POC1B: variants seen among roughly 807,000 people sequenced by gnomAD.
POC1B encodes the protein POC1 centriolar protein B, also known as POC1 centriolar protein homolog B.
A neutral mutation model predicts 60.6 loss-of-function variants in POC1B; 44 were observed. The ratio of observed to expected loss-of-function variants is 0.73; its 90% CI spans 0.57 to 0.93. POC1B has a LOEUF of 0.93. Ranked by LOEUF, POC1B falls within the 40% of genes least tolerant of loss-of-function variation. POC1B has a pLI of 0.00. For missense variants in POC1B, 555 were observed against 572.3 expected (o/e 0.97, Z 0.31); for synonymous variants, 180 against 198.9 (o/e 0.90, Z 0.80).
chr12:89,432,159 G>A (rs745503378), intron 10 of POC1B, among the ~76,000 whole-genome samples: 2 of 151,880 alleles, frequency 1.3e-5, no homozygotes, highest in Non-Finnish European at 2.9e-5. Context: ...CGAGGTGGGC[G>A]GATTGCCTGA....
rs1880459231 is a variant in POC1B at position 89,419,873 on chromosome 12, C to T, written c.*1280G>A. 6.6e-6 allele frequency: 1 copy of T among 152,228 alleles called. No homozygotes were observed. Among genetic ancestry groups the T allele is most frequent in the Middle Eastern group, 3.4e-3 (1 of 294 alleles). 9.4% of individuals were successfully genotyped at this position (152,228 alleles called of 1,614,324 possible). A position where few individuals can be genotyped will look rare whatever the true frequency, so the allele number is the denominator to read the frequency against. On this transcript the variant is annotated 3_prime_UTR_variant, in exon 12 of 12. Coordinates refer to ENST00000313546, the MANE Select transcript of POC1B (RefSeq NM_172240.3). ...TCTTGAAAATGTCCAGAAGCTCACA[C>T]TTAGTATGATATTAAAAGGCACTTA...
intron 4 of POC1B, among the ~76,000 whole-genome samples, chr12:89,484,973 T>C (rs970216508): frequency 6.6e-6 from 1 of 152,218 alleles, no homozygotes; most frequent in African/African-American, 2.4e-5. Flanking sequence ...GTCCCAGGGC[T>C]CACTGAAAAG....
intron 2 of POC1B, among the ~76,000 whole-genome samples, chr12:89,518,007 G>T (rs937353019): frequency 2.0e-5 from 3 of 152,070 alleles, no homozygotes; most frequent in Admixed American, 1.3e-4. Flanking sequence ...AGCCCAGCCT[G>T]GAAGATTGAT....
chr12:89,469,632 C>T (rs1415394244), intron 7 of POC1B, among the ~76,000 whole-genome samples: 1 of 152,030 alleles, frequency 6.6e-6, no homozygotes, highest in Non-Finnish European at 1.5e-5. Context: ...TCTCCTAAAC[C>T]CACCAACAAA....
At chr12:89,425,903 A>C (rs1382152501) in intron 10 of POC1B, 1 of 152,816 alleles carries the variant, frequency 6.5e-6, no homozygotes, top group Non-Finnish European at 1.5e-5. Context: ...CTACGTATAC[A>C]TCCAGGAGAA....
At chr12:89,453,465 G>A (rs1039693723) in intron 10 of POC1B, among the ~76,000 whole-genome samples, 7 of 152,056 alleles carry the variant, frequency 4.6e-5, no homozygotes, top group Admixed American at 2.6e-4. Flanking sequence ...GAAACATACC[G>A]CAGAGCCACT....
chr12:89,415,656 AT>A (rs1036846521), downstream of POC1B, among the ~76,000 whole-genome samples: 23 of 151,672 alleles, frequency 1.5e-4, no homozygotes, highest in Non-Finnish European at 2.6e-4. Flanking sequence ...AAAAAAAAAA[AT>A]AATAAAGAAA....
At chr12:89,467,743 A>G (rs2120834366) in intron 7 of POC1B, 58 bp from the exon 8 acceptor site, 1 of 1,333,670 alleles carries the variant, frequency 7.5e-7, no homozygotes, top group South Asian at 1.2e-5. Context: ...CTCATGGCCA[A>G]GAAGACTATG....
intron 10 of POC1B, among the ~76,000 whole-genome samples, chr12:89,440,757 T>C (rs1259542357): frequency 6.6e-6 from 1 of 152,174 alleles, no homozygotes; most frequent in Admixed American, 6.5e-5. Context: ...ACTGGGTTCA[T>C]TTCACTGGGG....
At chr12:89,483,127 G>A in intron 4 of POC1B, among the ~76,000 whole-genome samples, 1 of 152,060 alleles carries the variant, frequency 6.6e-6, no homozygotes, top group Middle Eastern at 3.2e-3. Context: ...TGTTGGTCAG[G>A]CTGGTCTCAG....
At chr12:89,515,145 T>C (rs1369658044) in intron 2 of POC1B, among the ~76,000 whole-genome samples, 1 of 152,180 alleles carries the variant, frequency 6.6e-6, no homozygotes, top group Non-Finnish European at 1.5e-5. Context: ...CTGAGCATTA[T>C]GAATTAACTC....
At position 89,431,090 on chromosome 12, in the gene POC1B, T is replaced by C. The variant is rs563318269; in HGVS notation, c.1114-5711A>G. ...AGCTTCTGGCTGAATAACAGATGGA[T>C]TTTTCTAACAAATGTGAGTGCAAAA... On this transcript the variant is annotated intron_variant, in intron 10 of 11. Transcript: ENST00000313546. Among the ~76,000 whole-genome samples the C allele has an allele frequency of 3.3e-4, 50 of 152,012 alleles. No individual in the cohort carries two copies. In the South Asian group the frequency reaches 6.2e-3, roughly 19 times the overall value.
At chr12:89,475,790 G>A (rs1883078054) in intron 4 of POC1B, among the ~76,000 whole-genome samples, 1 of 151,738 alleles carries the variant, frequency 6.6e-6, no homozygotes. Context: ...TTAGTCAATA[G>A]TGACTACTGG....
In POC1B at chr12:89,472,170, A is replaced by C; in HGVS notation, c.558T>G (p.Val186=). The part of the protein sequence containing the change: ...KQCVNNFSDS[V]GFANFVDFNP... ...ATGCACAAAGAAAGTGTACTTACCC[A>C]ACGGAATCTGAGAAGTTATTAACAC... The change falls in exon 5 of 12, where the codon GTT becomes GTG. Residue 186 remains valine, a splice_region_variant and synonymous_variant. Coordinates refer to ENST00000313546, the MANE Select transcript of POC1B (RefSeq NM_172240.3). 6.4e-7 allele frequency: 1 copy of C among 1,567,890 alleles called. No individual in the cohort carries two copies. Among genetic ancestry groups the C allele is most frequent in the South Asian group, 1.1e-5 (1 of 88,416 alleles).
At chr12:89,471,239 A>T (rs981499936) in intron 6 of POC1B, among the ~76,000 whole-genome samples, 1 of 152,216 alleles carries the variant, frequency 6.6e-6, no homozygotes, top group African/African-American at 2.4e-5. Context: ...ATCAATACAT[A>T]GGCATAGTAG....
At chr12:89,500,837 T>G in intron 2 of POC1B, 1 of 1,048,846 alleles carries the variant, frequency 9.5e-7, no homozygotes, top group Non-Finnish European at 1.4e-6. Context: ...CATCTCAGAA[T>G]AGAATACGAC....
rs182496771 is a variant in POC1B, at chr12:89,513,946, C to T, written c.100+11174G>A. Among the ~76,000 whole-genome samples, 13 of 152,260 alleles carry T rather than the reference C, an allele frequency of 8.5e-5. No homozygotes were observed. In the East Asian group the frequency reaches 1.3e-3, roughly 16 times the overall value. On this transcript the variant is annotated intron_variant, in intron 2 of 11. Transcript: ENST00000313546. ...GGCAAGTTACTGAAATTTCAGCTTC[C>T]GCAACCATAAAAAGGGATGACAACA...
intron 3 of POC1B, among the ~76,000 whole-genome samples, chr12:89,496,186 A>C (rs976095437): frequency 1.3e-5 from 2 of 152,054 alleles, no homozygotes; most frequent in Non-Finnish European, 2.9e-5. Flanking sequence ...CAGGCATGAG[A>C]TTCTCATATG....
chr12:89,402,786 C>A, the POC1B span, among the ~76,000 whole-genome samples: 3 of 152,192 alleles, frequency 2.0e-5, no homozygotes, highest in African/African-American at 7.2e-5. Context: ...TTCACCCAGG[C>A]TAGAGCACAG....
Sources: gnomAD v4.1 joint callset for allele counts (sites outside exome capture counted in the v4.1 genomes callset) on GRCh38, gnomAD v4.1.1 for gene constraint, MANE v1.5 for transcripts, NCBI Gene and HGNC (gene_info 2026-07-23, HGNC 2026-07-21) for gene names.